The following RBFOX1 variants were observed in gnomAD, a reference collection of about 807,000 sequenced individuals.
RBFOX1 encodes the protein RNA binding protein fox-1 homolog 1.
A neutral mutation model predicts 57.7 loss-of-function variants in RBFOX1; 8 were observed. The ratio of observed to expected loss-of-function variants is 0.14; its 90% CI spans 0.08 to 0.25. RBFOX1 has a LOEUF of 0.25. Ranked by LOEUF, RBFOX1 falls within the 10% of genes least tolerant of loss-of-function variation. The pLI is 1.00. For synonymous variants in RBFOX1, 326 were observed against 222.4 expected (o/e 1.47, Z -4.15); for missense variants, 611 against 548.5 (o/e 1.11, Z -1.14).
rs141549039 is a variant in RBFOX1 at position 6,821,156 on chromosome 16, T to C, written c.-16+166506T>C. 5.3e-5 allele frequency among the ~76,000 whole-genome samples: 8 copies of C among 152,324 alleles called. No homozygotes were observed. In the East Asian group the frequency reaches 1.4e-3, roughly 26 times the overall value. ...ATTCAGTGCCAGGTTTATCTGCCCA[T>C]GTTCATGATCTCTTTGCTGGAAGGC... On this transcript the variant is annotated intron_variant, in intron 3 of 15. Coordinates refer to ENST00000550418, the MANE Select transcript of RBFOX1 (RefSeq NM_018723.4).
chr16:7,626,012 G>C (rs1164210996), intron 10 of RBFOX1, among the ~76,000 whole-genome samples: 1 of 152,180 alleles, frequency 6.6e-6, no homozygotes. Flanking sequence ...AAAAAGAAGA[G>C]AAAGGAAGCT....
chr16:6,209,604 C>T (rs1363440067), intron 1 of RBFOX1, among the ~76,000 whole-genome samples: 3 of 152,234 alleles, frequency 2.0e-5, no homozygotes, highest in African/African-American at 7.2e-5. Context: ...CAATTGTGAT[C>T]CTGCCACCAT....
Position 5,297,124 on chromosome 16 carries a change from C to A in RBFOX1, c.219+57019C>A, listed in dbSNP as rs908584053. 2.6e-5 allele frequency among the ~76,000 whole-genome samples: 4 copies of A among 152,112 alleles called. No individual in the cohort carries two copies. The East Asian group carries it at 7.7e-4, about 29-fold the overall frequency. On this transcript the variant is annotated intron_variant, in intron 1 of 2. Coordinates refer to the RBFOX1 transcript ENST00000585867. ...TTCTTTTTAAAGGCTGAGTGGTATT[C>A]CATTGTGTATATATTCCTTATCCAT...
intron 3 of RBFOX1, among the ~76,000 whole-genome samples, chr16:7,008,387 C>A (rs1056295617): frequency 2.0e-5 from 3 of 151,828 alleles, no homozygotes; most frequent in African/African-American, 7.3e-5. Context: ...ACTAAAAATA[C>A]AAAAATTAGC....
intron 3 of RBFOX1, among the ~76,000 whole-genome samples, chr16:6,777,078 C>T (rs7197094): frequency 6.6e-6 from 1 of 152,074 alleles, no homozygotes; most frequent in Non-Finnish European, 1.5e-5. Flanking sequence ...TCTGTGTTAA[C>T]CGTGTTGTAT....
At chr16:7,264,919 C>G (rs1259120281) in intron 4 of RBFOX1, among the ~76,000 whole-genome samples, 2 of 152,156 alleles carry the variant, frequency 1.3e-5, no homozygotes, top group African/African-American at 4.8e-5. Flanking sequence ...CAGAAAGATC[C>G]ATCAGGCCAA....
At chr16:6,218,886 C>G (rs985607710) in intron 1 of RBFOX1, among the ~76,000 whole-genome samples, 5 of 150,152 alleles carry the variant, frequency 3.3e-5, no homozygotes, top group Admixed American at 6.6e-5. Flanking sequence ...AGAAAAAGTC[C>G]TAATTATAGT....
intron 4 of RBFOX1, among the ~76,000 whole-genome samples, chr16:7,362,910 C>G (rs1269563918): frequency 1.3e-5 from 2 of 152,124 alleles, no homozygotes; most frequent in African/African-American, 4.8e-5. Flanking sequence ...GAGTCATTTC[C>G]TAACTCAGCT....
intron 2 of RBFOX1, among the ~76,000 whole-genome samples, chr16:6,528,187 C>A (rs577684277): frequency 1.3e-5 from 2 of 152,282 alleles, no homozygotes; most frequent in South Asian, 2.1e-4. Context: ...ATCCTCCCCC[C>A]ATAAATTGCC....
chr16:5,304,501 A>C (rs1038249895), intron 1 of RBFOX1, among the ~76,000 whole-genome samples: 5 of 152,178 alleles, frequency 3.3e-5, no homozygotes, highest in Non-Finnish European at 7.4e-5. Context: ...CTGAACATGG[A>C]CACAAAATCC....
chr16:5,995,034 C>A (rs1596365693), intron 4 of RBFOX1, among the ~76,000 whole-genome samples: 1 of 152,166 alleles, frequency 6.6e-6, no homozygotes, highest in African/African-American at 2.4e-5. Context: ...TTTCCCCTTT[C>A]CTACAACCAT....
intron 2 of RBFOX1, among the ~76,000 whole-genome samples, chr16:5,562,531 C>T (rs1386556677): frequency 1.3e-5 from 2 of 152,062 alleles, no homozygotes; most frequent in Non-Finnish European, 2.9e-5. Context: ...GACAGGAAGA[C>T]CCCAGGGGTT....
At chr16:7,337,195 G>T (rs895810520) in intron 4 of RBFOX1, among the ~76,000 whole-genome samples, 1 of 152,204 alleles carries the variant, frequency 6.6e-6, no homozygotes, top group Middle Eastern at 3.4e-3. Flanking sequence ...GCTGGGATTT[G>T]GACTGGATTT....
intron 3 of RBFOX1, among the ~76,000 whole-genome samples, chr16:6,981,572 G>T (rs1395489013): frequency 1.3e-5 from 2 of 152,162 alleles, no homozygotes; most frequent in African/African-American, 2.4e-5. Flanking sequence ...TTGACTGACA[G>T]TTCCACGTGG....
At chr16:7,228,570 T>G (rs2152900041) in intron 4 of RBFOX1, among the ~76,000 whole-genome samples, 1 of 152,298 alleles carries the variant, frequency 6.6e-6, no homozygotes, top group Non-Finnish European at 1.5e-5. Flanking sequence ...GTGAAGGAAT[T>G]TGTCCATGGC....
intron 2 of RBFOX1, among the ~76,000 whole-genome samples, chr16:6,653,322 T>A (rs1463732793): frequency 6.6e-6 from 1 of 152,206 alleles, no homozygotes; most frequent in East Asian, 1.9e-4. Flanking sequence ...GCTTGTCTTG[T>A]CCAGAAGAAT....
At chr16:6,991,781 C>A (rs1305552700) in intron 3 of RBFOX1, among the ~76,000 whole-genome samples, 3 of 152,158 alleles carry the variant, frequency 2.0e-5, no homozygotes, top group South Asian at 2.1e-4. Flanking sequence ...AAGCAATCTG[C>A]CTGCTTAGGC....
At chr16:6,063,524 C>T (rs8061201) in intron 1 of RBFOX1, among the ~76,000 whole-genome samples, 52,047 of 148,666 alleles carry the variant, frequency 0.35, 9,497 homozygotes, top group Non-Finnish European at 0.41. Context: ...TATTTTTCCC[C>T]TAGTACCTTC....
At chr16:6,983,435 G>A (rs1051810548) in intron 3 of RBFOX1, among the ~76,000 whole-genome samples, 5 of 150,184 alleles carry the variant, frequency 3.3e-5, no homozygotes, top group South Asian at 2.1e-4. Context: ...CTTCTGGTCC[G>A]CCGACTTGCT....
Sources: allele counts gnomAD v4.1 joint callset (sites outside exome capture counted in the v4.1 genomes callset), GRCh38; gene constraint gnomAD v4.1.1; transcripts MANE v1.5; gene names NCBI Gene and HGNC (gene_info 2026-07-23, HGNC 2026-07-21).